The following TYMP variants were observed in gnomAD, a reference collection of about 807,000 sequenced individuals.
The protein encoded by TYMP is thymidine phosphorylase, also known as gliostatin.
In TYMP, 46 loss-of-function variants were observed where a neutral mutation model predicts 42.3. That is an observed-to-expected ratio of 1.09 (90% CI 0.86 to 1.39). The LOEUF is 1.39. TYMP is among the 40% of genes most tolerant of loss of function. The probability of loss-of-function intolerance (pLI) is 0.00; values close to 1 mark genes in which losing one functional copy is unlikely to be tolerated. For missense variants in TYMP, 837 were observed against 677.6 expected (o/e 1.24, Z -2.61); for synonymous variants, 363 against 308.0 (o/e 1.18, Z -1.87).
intron 3 of TYMP, 29 bp downstream of exon 3, chr22:50,529,107 T>G: frequency 1.2e-6 from 2 of 1,611,432 alleles, no homozygotes; most frequent in Non-Finnish European, 1.7e-6. Context: ...CGGTATAGGC[T>G]CCCGTCTGGA....
At chr22:50,530,040 G>A (rs2148684164), upstream of TYMP, 1 of 335,808 alleles carries the variant, frequency 3.0e-6, no homozygotes, top group East Asian at 4.9e-5. Context: ...GGCGCCCCAG[G>A]ACGGCAGGCG....
upstream of TYMP, chr22:50,530,084 C>T (rs986517037): frequency 3.0e-6 from 1 of 337,814 alleles, no homozygotes; most frequent in East Asian, 4.6e-5. Context: ...GCTCGGCAGT[C>T]GCCGCCCCCG....
rs1246256037 is a variant in TYMP at position 50,526,494 on chromosome 22, T to A, written c.929-18A>T. The A allele has an allele frequency of 6.6e-7, 1 of 1,514,478 alleles. No individual in the cohort carries two copies. The highest frequency in any genetic ancestry group is 2.1e-5 in the Admixed American group (1 of 48,764). 93.8% of individuals were successfully genotyped at this position (1,514,478 alleles called of 1,614,324 possible). A position where few individuals can be genotyped will look rare whatever the true frequency, so the allele number is the denominator to read the frequency against. On this transcript the variant is annotated intron_variant, in intron 7 of 9. Coordinates refer to ENST00000252029, the MANE Select transcript of TYMP (RefSeq NM_001953.5). ...GGCGCCCCCTGCGGGCGGGGACGGGTCTTAGGCGCGGCCGGGTCGGGGCGG... is the reference window on the plus strand; with the variant it reads ...GGCGCCCCCTGCGGGCGGGGACGGGACTTAGGCGCGGCCGGGTCGGGGCGG...
chr22:50,529,399 G>C, intron 2 of TYMP, 61 bp from the exon 3 acceptor site: 1 of 1,606,074 alleles, frequency 6.2e-7, no homozygotes, highest in South Asian at 1.1e-5. Context: ...CCTGGGGCCG[G>C]TGCTGGTAGT....
In TYMP at chr22:50,530,004, C is replaced by A. The variant is rs2069534288; in HGVS notation, c.-111G>T. On this transcript the variant is annotated 5_prime_UTR_variant, in exon 1 of 10. Transcript: ENST00000252029. ...CGTAGGGTTCAGGGTTCGCGCACAG[C>A]GGTCCACTGCCGGCGGCGGGGCGGC... 2.6e-6 allele frequency: 1 copy of A among 386,498 alleles called. No homozygotes were observed. The highest frequency in any genetic ancestry group is 4.7e-6 in the Non-Finnish European group (1 of 215,026). 23.9% of individuals were successfully genotyped at this position (386,498 alleles called of 1,614,324 possible).
chr22:50,527,798 A>G (rs2069451459), intron 4 of TYMP, 81 bp from the exon 5 acceptor site: 1 of 1,541,094 alleles, frequency 6.5e-7, no homozygotes. Flanking sequence ...TTTTCTGTGA[A>G]GAGTCTTCCT....
intron 3 of TYMP, chr22:50,528,933 G>T (rs1417822242): frequency 1.1e-5 from 7 of 648,302 alleles, no homozygotes; most frequent in Non-Finnish European, 1.9e-5. Context: ...TGCTCCAAGG[G>T]GCCTGGTCTG....
chr22:50,529,251 T>C lies in TYMP; in HGVS notation c.302A>G (p.Gln101Arg). 1 of 1,613,312 alleles carries C rather than the reference T, an allele frequency of 6.2e-7. No homozygotes were observed. Among genetic ancestry groups the C allele is most frequent in the Non-Finnish European group, 8.5e-7 (1 of 1,179,992 alleles). The part of the protein sequence containing the change: ...LTQALAQSGQ[Q>R]LEWPEAWRQQ... ...GCGCCAGGCCTCTGGCCACTCCAGC[T>C]GCTGTCCCGACTGAGCCAGGGCCTG... Residue 101 changes from glutamine to arginine, a missense_variant, in exon 3 of 10, where the codon CAG (glutamine) becomes CGG (arginine). Physicochemically the swap from Gln to Arg is conservative, Grantham distance 43. Transcript: ENST00000252029.
intron 7 of TYMP, 33 bp from the exon 8 acceptor site, chr22:50,526,509 G>A (rs752204751): frequency 3.0e-4 from 456 of 1,527,492 alleles, no homozygotes; most frequent in Non-Finnish European, 3.9e-4. Context: ...GGCGCGGCCG[G>A]GTCGGGGCGG....
chr22:50,527,882 C>G (rs1223746403), intron 4 of TYMP, 165 bp from the exon 5 acceptor site: 1 of 770,710 alleles, frequency 1.3e-6, no homozygotes, highest in Non-Finnish European at 2.1e-6. Context: ...CTTAAGTGAT[C>G]CTCCCACCTC....
intron 6 of TYMP, 24 bp downstream of exon 6, chr22:50,527,141 C>T (rs2069418737): frequency 1.9e-6 from 3 of 1,591,538 alleles, no homozygotes; most frequent in Non-Finnish European, 1.7e-6. Flanking sequence ...AGACGCTTGC[C>T]CAGGGAAAGG....
chr22:50,528,295 G>T, intron 4 of TYMP: 1 of 619,362 alleles, frequency 1.6e-6, no homozygotes, highest in Non-Finnish European at 3.0e-6. Flanking sequence ...GTGAGCCACC[G>T]TGCCCCGCCA....
intron 3 of TYMP, 102 bp from the exon 4 acceptor site, chr22:50,528,712 A>G: frequency 1.0e-6 from 1 of 956,006 alleles, no homozygotes; most frequent in East Asian, 2.6e-5. Flanking sequence ...TTTGGAAAGT[A>G]TTTAAGCAGC....
chr22:50,527,766 A>C (rs1439560773), intron 4 of TYMP, 49 bp from the exon 5 acceptor site: 3 of 1,358,126 alleles, frequency 2.2e-6, no homozygotes, highest in Admixed American at 4.5e-5. Context: ...ATGACTTAGC[A>C]GCTTTTTTTT....
At chr22:50,526,784 T>A (rs1451568731) in intron 6 of TYMP, 46 bp from the exon 7 acceptor site, 3 of 1,524,232 alleles carry the variant, frequency 2.0e-6, no homozygotes, top group African/African-American at 1.4e-5. Flanking sequence ...CGGGGCCTTC[T>A]GCAGCCGGTT....
intron 3 of TYMP, 39 bp downstream of exon 3, chr22:50,529,097 C>G: frequency 6.2e-7 from 1 of 1,603,256 alleles, no homozygotes; most frequent in Non-Finnish European, 8.5e-7. Flanking sequence ...GCTGCATGTG[C>G]GGTATAGGCT....
At chr22:50,526,812 C>A in intron 6 of TYMP, 74 bp from the exon 7 acceptor site, 2 of 1,444,704 alleles carry the variant, frequency 1.4e-6, no homozygotes, top group Non-Finnish European at 1.9e-6. Context: ...GAACTCCAGC[C>A]CCTGCTGCAC....
chr22:50,529,572 T>G lies in TYMP; in HGVS notation c.138A>C (p.Gly46=), dbSNP rs1358445211. ...LPELIRMKRD[G]GRLSEADIRG... is the part of the protein sequence containing the mutation. ...TGATGTCCGCTTCGCTCAGGCGGCC[T>G]CCGTCTCGCTTCATGCGGATCAGCT... The change falls in exon 2 of 10, where the codon GGA becomes GGC. Residue 46 remains glycine, a synonymous_variant. Transcript: ENST00000252029. 1 of 1,613,138 alleles carries G rather than the reference T, an allele frequency of 6.2e-7. No homozygotes were observed. The highest frequency in any genetic ancestry group is 1.7e-5 in the Admixed American group (1 of 60,022).
rs894660145 is a variant in TYMP, at chr22:50,526,240, G to A, written c.1159+6C>T. The A allele has an allele frequency of 1.3e-6, 2 of 1,536,822 alleles. No homozygotes were observed. Among genetic ancestry groups the A allele is most frequent in the Middle Eastern group, 1.8e-4 (1 of 5,664 alleles). Reference sequence around the variant, plus strand: ...GCGGAAGGACGGGGACTCCCCCGACGCTCACCATCTGCGGGCGCCAGCAGC... The same window carrying A: ...GCGGAAGGACGGGGACTCCCCCGACACTCACCATCTGCGGGCGCCAGCAGC... On this transcript the variant is annotated splice_donor_region_variant and intron_variant, in intron 8 of 9. Coordinates refer to ENST00000252029, the MANE Select transcript of TYMP (RefSeq NM_001953.5).
Sources: allele counts gnomAD v4.1 joint callset, GRCh38; gene constraint gnomAD v4.1.1; transcripts MANE v1.5; gene names NCBI Gene and HGNC (gene_info 2026-07-23, HGNC 2026-07-21).